The following MTMR9 variants were observed in gnomAD, a reference collection of about 807,000 sequenced individuals.
The protein encoded by MTMR9 is myotubularin related protein 9, also known as myotubularin-related protein 9.
MTMR9 carries 39 observed loss-of-function variants against 69.5 expected under a neutral mutation model. That is an observed-to-expected ratio of 0.56 (90% CI 0.43 to 0.73). The LOEUF is 0.73. Among genes scored for constraint, MTMR9 ranks in the 30% least tolerant of loss-of-function variants. MTMR9 has a pLI of 0.00. For missense variants in MTMR9, 900 were observed against 671.2 expected, an observed-to-expected ratio of 1.34 and a Z score of -3.77; for synonymous variants, 354 against 240.8, an observed-to-expected ratio of 1.47 and a Z score of -4.35.
At chr8:11,302,345 T>C (rs1799778654) in intron 3 of MTMR9, among the ~76,000 whole-genome samples, 1 of 149,826 alleles carries the variant, frequency 6.7e-6, no homozygotes, top group Admixed American at 6.6e-5. Flanking sequence ...TGGTTGATAA[T>C]TCTCCAGAAT....
At chr8:11,303,842 A>C (rs997467900) in intron 3 of MTMR9, among the ~76,000 whole-genome samples, 1 of 152,026 alleles carries the variant, frequency 6.6e-6, no homozygotes, top group Non-Finnish European at 1.5e-5. Context: ...CCTAGAAACT[A>C]TGTTTTTAAA....
Position 11,324,987 on chromosome 8 carries a change from A to G in MTMR9, c.*2199A>G, listed in dbSNP as rs1336078063. ...GAGGGATGATGTACCATCAAGGTAG[A>G]CCCATCTTCCTGATGCACATTTGCT... On this transcript the variant is annotated 3_prime_UTR_variant, in exon 10 of 10. Coordinates refer to ENST00000221086, the MANE Select transcript of MTMR9 (RefSeq NM_015458.4). 3 of 152,218 alleles carry G rather than the reference A, an allele frequency of 2.0e-5. No individual in the cohort carries two copies. The highest frequency in any genetic ancestry group is 1.9e-4 in the East Asian group (1 of 5,200). 9.4% of individuals were successfully genotyped at this position (152,218 alleles called of 1,614,324 possible).
intron 3 of MTMR9, 95 bp from the exon 4 acceptor site, chr8:11,304,746 A>C: frequency 8.2e-7 from 1 of 1,218,980 alleles, no homozygotes; most frequent in Non-Finnish European, 1.2e-6. Flanking sequence ...CTTCTTCATC[A>C]GTGAAAGTTG....
the MTMR9 span, among the ~76,000 whole-genome samples, chr8:11,333,290 G>A: frequency 6.6e-6 from 1 of 152,196 alleles, no homozygotes. Context: ...GATCCTAAAT[G>A]AGATTATCAA....
At chr8:11,301,514 T>C (rs1799747660) in intron 3 of MTMR9, among the ~76,000 whole-genome samples, 1 of 152,228 alleles carries the variant, frequency 6.6e-6, no homozygotes, top group Non-Finnish European at 1.5e-5. Context: ...TAAAATGTAT[T>C]ATGCAACTAA....
chr8:11,289,894 C>G lies in MTMR9; in HGVS notation c.182+4824C>G, dbSNP rs192553909. Among the ~76,000 whole-genome samples, 731 of 152,310 alleles carry G rather than the reference C, an allele frequency of 4.8e-3. 6 individuals carry two copies. Among genetic ancestry groups the G allele is most frequent in the African/African-American group, 0.016 (681 of 41,556 alleles). On this transcript the variant is annotated intron_variant, in intron 1 of 9. Coordinates refer to ENST00000221086, the MANE Select transcript of MTMR9 (RefSeq NM_015458.4). ...CCTTAACAGACCTTTTAGGTAACTT[C>G]CAACTCCCTGCTATCACAAACAACT... is the stretch of plus-strand genomic sequence containing the variant.
Position 11,323,785 on chromosome 8 carries a change from T to C in MTMR9, c.*997T>C, listed in dbSNP as rs1311681699. The C allele has an allele frequency of 6.6e-6, 1 of 152,242 alleles. No homozygotes were observed. The highest frequency in any genetic ancestry group is 1.5e-5 in the Non-Finnish European group (1 of 68,042). The allele number at this position is 152,242 out of a possible 1,614,324, so 9.4% of individuals were successfully genotyped here. A position where few individuals can be genotyped will look rare whatever the true frequency, so the allele number is the denominator to read the frequency against. On this transcript the variant is annotated 3_prime_UTR_variant, in exon 10 of 10. Coordinates refer to ENST00000221086, the MANE Select transcript of MTMR9 (RefSeq NM_015458.4). ...TAATACTAAGGTTAAAATTTTCATGTTGACCTGAGCCTTTTGCAAATTTGC... is the reference window on the plus strand; with the variant it reads ...TAATACTAAGGTTAAAATTTTCATGCTGACCTGAGCCTTTTGCAAATTTGC...
At chr8:11,289,216 A>G (rs1799294810) in intron 1 of MTMR9, among the ~76,000 whole-genome samples, 1 of 152,184 alleles carries the variant, frequency 6.6e-6, no homozygotes, top group South Asian at 2.1e-4. Context: ...TGTAGTCACA[A>G]GGAATCTGAT....
chr8:11,291,427 A>C (rs992817436), intron 1 of MTMR9, among the ~76,000 whole-genome samples: 11 of 152,160 alleles, frequency 7.2e-5, no homozygotes, highest in African/African-American at 2.7e-4. Context: ...TGTGATAGGG[A>C]TGTATACAGG....
intron 1 of MTMR9, among the ~76,000 whole-genome samples, chr8:11,286,493 C>T (rs1385672802): frequency 6.6e-6 from 1 of 151,342 alleles, no homozygotes; most frequent in Admixed American, 6.6e-5. Context: ...GATGAAAGCC[C>T]GTCTCTACTA....
At chr8:11,315,104 G>T (rs774321019) in intron 7 of MTMR9, 40 bp downstream of exon 7, 3 of 1,597,032 alleles carry the variant, frequency 1.9e-6, no homozygotes, top group Non-Finnish European at 2.6e-6. Context: ...ACTGCTTATT[G>T]ATGCTGTGAT....
At position 11,285,000 on chromosome 8, in the gene MTMR9, C is replaced by G. The variant is rs1482816118; in HGVS notation, c.112C>G (p.Leu38Val). ...TLCLTGHHLI[L>V]SSRQDNTEEL... ...GTGCCTGACGGGCCACCACTTGATC[C>G]TGTCCTCCCGGCAGGACAATACGGA... Residue 38 changes from leucine to valine, a missense_variant, in exon 1 of 10, where the codon CTG (leucine) becomes GTG (valine). Physicochemically the swap from Leu to Val is conservative, Grantham distance 32. Transcript: ENST00000221086. 4 of 1,613,736 alleles carry G rather than the reference C, an allele frequency of 2.5e-6. No homozygotes were observed. In the South Asian group the frequency reaches 4.4e-5, roughly 18 times the overall value.
intron 3 of MTMR9, among the ~76,000 whole-genome samples, chr8:11,304,338 TGGA>T: frequency 6.6e-6 from 1 of 152,222 alleles, no homozygotes; most frequent in Non-Finnish European, 1.5e-5. Flanking sequence ...ATGCATTATC[TGGA>T]GTCGTACAGT....
At chr8:11,322,575 C>G (rs1188724511) in intron 9 of MTMR9, 50 bp from the exon 10 acceptor site, 7 of 1,478,168 alleles carry the variant, frequency 4.7e-6, no homozygotes, top group Non-Finnish European at 6.5e-6. Context: ...TAATTTTAAT[C>G]CATTGTATAT....
chr8:11,328,921 C>A (rs1315776610), downstream of MTMR9, among the ~76,000 whole-genome samples: 1 of 152,234 alleles, frequency 6.6e-6, no homozygotes, highest in East Asian at 1.9e-4. Flanking sequence ...TAAAATCTTA[C>A]ATTTAGATCT....
At chr8:11,298,932 C>G (rs111343198) in intron 2 of MTMR9, 1 of 928,810 alleles carries the variant, frequency 1.1e-6, no homozygotes, top group African/African-American at 1.8e-5. Context: ...GAATGGATCC[C>G]TGCAGCATGA....
intron 9 of MTMR9, chr8:11,321,165 A>T (rs528970782): frequency 1.7e-5 from 4 of 233,774 alleles, no homozygotes; most frequent in African/African-American, 9.1e-5. Flanking sequence ...AATCTTATCT[A>T]TTGAAGTGTC....
At chr8:11,333,897 C>A in the MTMR9 span, among the ~76,000 whole-genome samples, 51 of 152,278 alleles carry the variant, frequency 3.3e-4, no homozygotes, top group East Asian at 6.4e-3. Flanking sequence ...AGAGGTGGAA[C>A]CTTTAAGAGA....
the MTMR9 span, among the ~76,000 whole-genome samples, chr8:11,334,558 AAAAT>A: frequency 0.067 from 10,231 of 152,212 alleles, 607 homozygotes; most frequent in Admixed American, 0.19. Flanking sequence ...ATCACTACCA[AAAAT>A]AAATAAACTA....
Sources: gnomAD v4.1 joint callset for allele counts (sites outside exome capture counted in the v4.1 genomes callset) on GRCh38, gnomAD v4.1.1 for gene constraint, MANE v1.5 for transcripts, NCBI Gene and HGNC (gene_info 2026-07-23, HGNC 2026-07-21) for gene names.